RFX1: variants seen among roughly 807,000 people sequenced by gnomAD.
The protein encoded by RFX1 is regulatory factor X1, also known as MHC class II regulatory factor RFX1.
In RFX1, 42 loss-of-function variants were observed where a neutral mutation model predicts 119.6. The observed-to-expected ratio is 0.35, with a 90% CI of 0.27 to 0.45. The LOEUF (loss-of-function observed/expected upper bound fraction) is 0.45. Among genes scored for constraint, RFX1 ranks in the 20% least tolerant of loss-of-function variants. The pLI is 1.00. For synonymous variants in RFX1, 628 were observed against 618.5 expected (o/e 1.02, Z -0.23); for missense variants, 1,118 against 1,368.1 (o/e 0.82, Z 2.88).
At chr19:13,995,357 T>C (rs1428414308) in intron 1 of RFX1, among the ~76,000 whole-genome samples, 1 of 151,550 alleles carries the variant, frequency 6.6e-6, no homozygotes, top group African/African-American at 2.4e-5. Flanking sequence ...AGTGGGAAGG[T>C]GTTTTGAGTC....
intron 18 of RFX1, 46 bp from the exon 19 acceptor site, chr19:13,963,321 G>A (rs1293067374): frequency 6.4e-7 from 1 of 1,565,826 alleles, no homozygotes; most frequent in African/African-American, 1.4e-5. Flanking sequence ...CGTCCGGCCC[G>A]ACCCCCTCTC....
At position 13,990,047 on chromosome 19, in the gene RFX1, GA is replaced by G. The variant is rs1425184085; in HGVS notation, c.319+3477del. The stretch of plus-strand genomic sequence containing the variant: ...CCTGCATCAAATTCAACACCAAGTG[GA>G]TGAGTCAGGAGGGGCTGGATGTGGG... On this transcript the variant is annotated intron_variant, in intron 2 of 20. Coordinates refer to ENST00000254325, the MANE Select transcript of RFX1 (RefSeq NM_002918.5). The surrounding 1 kb of genome is among the most constrained non-coding windows in gnomAD (Gnocchi z 4.1). Among the ~76,000 whole-genome samples the G allele has an allele frequency of 6.6e-6, 1 of 152,134 alleles. No homozygotes were observed. Among genetic ancestry groups the G allele is most frequent in the African/African-American group, 2.4e-5 (1 of 41,434 alleles).
rs57542235 is a variant in RFX1 at position 13,995,851 on chromosome 19, CAAAAAAAAAAA to C, written c.-52-1967_-52-1957del. The stretch of plus-strand genomic sequence containing the variant: ...GGGCAACAAAGTGACACTCTGTCTC[CAAAAAAAAAAA>C]AAAAAAAAAAAAAAAATTAAACGGG... On this transcript the variant is annotated intron_variant, in intron 1 of 20. Coordinates refer to ENST00000254325, the MANE Select transcript of RFX1 (RefSeq NM_002918.5). Among the ~76,000 whole-genome samples the C allele has an allele frequency of 6.7e-3, 238 of 35,638 alleles. 1 individual carries two copies. Among genetic ancestry groups the C allele is most frequent in the African/African-American group, 0.016 (229 of 14,156 alleles). 23.4% of individuals were successfully genotyped at this position (35,638 alleles called of 152,430 possible).
intron 1 of RFX1, among the ~76,000 whole-genome samples, chr19:14,001,748 C>T (rs2145644180): frequency 6.6e-6 from 1 of 152,382 alleles, no homozygotes; most frequent in Non-Finnish European, 1.5e-5. Flanking sequence ...CGCCTGTAAT[C>T]CCAATATTTT....
At chr19:13,997,198 G>A (rs779122755) in intron 1 of RFX1, among the ~76,000 whole-genome samples, 3 of 152,148 alleles carry the variant, frequency 2.0e-5, no homozygotes, top group South Asian at 2.1e-4. Context: ...CATCCTTCAC[G>A]CCTCCCTGTG....
Position 13,962,817 on chromosome 19 carries a change from C to T in RFX1, c.2818G>A (p.Asp940Asn), listed in dbSNP as rs984452483. The change falls in exon 21 of 21, where the codon GAC (aspartate) becomes AAC (asparagine). Residue 940 changes from aspartate (D) to asparagine (N), a missense_variant. Coordinates refer to ENST00000254325, the MANE Select transcript of RFX1 (RefSeq NM_002918.5). ...TCGCCGCCAGCCGCCAGTGAGATGT[C>T]CTGCGGCAGCTCGTCCTCGCTCTCC... ...EEESEDELPQ[D>N]ISLAAGGESP... The T allele has an allele frequency of 6.5e-6, 10 of 1,529,758 alleles. No individual in the cohort carries two copies. The highest frequency in any genetic ancestry group is 7.9e-6 in the Non-Finnish European group (9 of 1,142,394). The allele number at this position is 1,529,758 out of a possible 1,614,324, so 94.8% of individuals were successfully genotyped here.
Position 13,966,235 on chromosome 19 carries a change from TTA to T in RFX1, c.1961+184_1961+185del, listed in dbSNP as rs1973892668. Among the ~76,000 whole-genome samples the T allele has an allele frequency of 6.6e-6, 1 of 152,136 alleles. No individual in the cohort carries two copies. Among genetic ancestry groups the T allele is most frequent in the African/African-American group, 2.4e-5 (1 of 41,414 alleles). On this transcript the variant is annotated intron_variant, in intron 14 of 20. Coordinates refer to ENST00000254325, the MANE Select transcript of RFX1 (RefSeq NM_002918.5). The surrounding 1 kb of genome is among the most constrained non-coding windows in gnomAD (Gnocchi z 6.3). Reference sequence around the variant, plus strand: ...ATGGTGCCCTGCCCCATGCCTGGGCTTAGTCAGGCACTCCACCCCCGACTGTT... The same window carrying T: ...ATGGTGCCCTGCCCCATGCCTGGGCTGTCAGGCACTCCACCCCCGACTGTT...
chr19:13,980,770 C>A lies in RFX1; in HGVS notation c.622-81G>T. 7.8e-6 allele frequency: 2 copies of A among 255,010 alleles called. No individual in the cohort carries two copies. Among genetic ancestry groups the A allele is most frequent in the South Asian group, 1.7e-4 (2 of 11,854 alleles). The allele number at this position is 255,010 out of a possible 1,614,324, so 15.8% of individuals were successfully genotyped here. On this transcript the variant is annotated intron_variant, in intron 5 of 20. Coordinates refer to ENST00000254325, the MANE Select transcript of RFX1 (RefSeq NM_002918.5). The surrounding 1 kb of genome is among the most constrained non-coding windows in gnomAD (Gnocchi z 5.1). ...GGTGGGCTCACACACACACCCTTCT[C>A]AGGAGAGCTGTCTGGGGAGGGCGGC...
rs1382209168 is a variant in RFX1 at position 13,986,707 on chromosome 19, C to T, written c.320-3112G>A. 1.3e-5 allele frequency among the ~76,000 whole-genome samples: 2 copies of T among 152,184 alleles called. No individual in the cohort carries two copies. ...CGATTTCCTGTCTCTGAATCTGACA[C>T]ATTAACATCTCTGAGCAGTGGAATG... is the stretch of plus-strand genomic sequence containing the variant. On this transcript the variant is annotated intron_variant, in intron 2 of 20. Transcript: ENST00000254325. This position sits in a 1 kb window ranked among gnomAD's most constrained non-coding sequence, Gnocchi z 4.2.
Position 13,980,063 on chromosome 19 carries a change from G to A in RFX1, c.738+510C>T, listed in dbSNP as rs567476516. Among the ~76,000 whole-genome samples the A allele has an allele frequency of 5.3e-5, 8 of 152,276 alleles. No individual in the cohort carries two copies. The East Asian group carries it at 1.5e-3, about 29-fold the overall frequency. On this transcript the variant is annotated intron_variant, in intron 6 of 20. Coordinates refer to ENST00000254325, the MANE Select transcript of RFX1 (RefSeq NM_002918.5). This position sits in a 1 kb window ranked among gnomAD's most constrained non-coding sequence, Gnocchi z 5.1. ...GACAGGGTTTCTGTTTACACTTGGG[G>A]AAGGGTCTATGGATTTCATCTGTTT...
rs745691673 is a variant in RFX1, at chr19:13,965,784, G to T, written c.1962-7C>A. On this transcript the variant is annotated splice_region_variant and splice_polypyrimidine_tract_variant and intron_variant, in intron 14 of 20. Transcript: ENST00000254325. This position sits in a 1 kb window ranked among gnomAD's most constrained non-coding sequence, Gnocchi z 4.7. ...CTTCTCGGCCTCGTCATGTCTGCGG[G>T]CACCCACCCCACCCCGGGTCACTGG... is the stretch of plus-strand genomic sequence containing the variant. 5.6e-6 allele frequency: 9 copies of T among 1,613,022 alleles called. No individual in the cohort carries two copies. In the East Asian group the frequency reaches 2.0e-4, roughly 36 times the overall value.
At chr19:13,999,824 C>T (rs1975154192) in intron 1 of RFX1, among the ~76,000 whole-genome samples, 2 of 152,116 alleles carry the variant, frequency 1.3e-5, no homozygotes. Context: ...TACAGGTGCC[C>T]ACCACCATGC....
Position 13,986,976 on chromosome 19 carries a change from C to T in RFX1, c.320-3381G>A, listed in dbSNP as rs1221530997. 6.6e-6 allele frequency among the ~76,000 whole-genome samples: 1 copy of T among 152,198 alleles called. No homozygotes were observed. Among genetic ancestry groups the T allele is most frequent in the Non-Finnish European group, 1.5e-5 (1 of 68,034 alleles). On this transcript the variant is annotated intron_variant, in intron 2 of 20. Transcript: ENST00000254325. This position sits in a 1 kb window ranked among gnomAD's most constrained non-coding sequence, Gnocchi z 4.2. ...GGCTCCTGGAGGGGCCCCTGCTGCC[C>T]CCAGTGTCCTCTATCCCTTGTCTGC...
Position 13,965,403 on chromosome 19 carries a change from G to T in RFX1, c.2211+46C>A. On this transcript the variant is annotated intron_variant, in intron 16 of 20. Coordinates refer to ENST00000254325, the MANE Select transcript of RFX1 (RefSeq NM_002918.5). The surrounding 1 kb of genome is among the most constrained non-coding windows in gnomAD (Gnocchi z 4.7). ...CCCCTGGGGAGCAGAGGAGACGGAG[G>T]CCTAAGCCCCAGAGATAGGAGAAAG... 6.5e-7 allele frequency: 1 copy of T among 1,540,180 alleles called. No homozygotes were observed. Among genetic ancestry groups the T allele is most frequent in the Non-Finnish European group, 9.0e-7 (1 of 1,115,858 alleles).
chr19:13,968,977 CCT>C lies in RFX1; in HGVS notation c.1497-85_1497-84del, dbSNP rs2145548909. On this transcript the variant is annotated intron_variant, in intron 10 of 20. Coordinates refer to ENST00000254325, the MANE Select transcript of RFX1 (RefSeq NM_002918.5). The surrounding 1 kb of genome is among the most constrained non-coding windows in gnomAD (Gnocchi z 5.5). ...GGAGCACCTCACAGCACACCCGTCT[CCT>C]CTCTGTTAGGAGAATGGATAGAGAG... 2 of 1,452,070 alleles carry C rather than the reference CCT, an allele frequency of 1.4e-6. No individual in the cohort carries two copies. Among genetic ancestry groups the C allele is most frequent in the African/African-American group, 2.8e-5 (2 of 71,492 alleles). The allele number at this position is 1,452,070 out of a possible 1,614,324, so 89.9% of individuals were successfully genotyped here.
rs538816758 is a variant in RFX1, at chr19:13,968,937, C to G, written c.1497-43G>C. 7 of 1,535,862 alleles carry G rather than the reference C, an allele frequency of 4.6e-6. No individual in the cohort carries two copies. In the African/African-American group the frequency reaches 9.6e-5, roughly 21 times the overall value. On this transcript the variant is annotated intron_variant, in intron 10 of 20. Coordinates refer to ENST00000254325, the MANE Select transcript of RFX1 (RefSeq NM_002918.5). This position sits in a 1 kb window ranked among gnomAD's most constrained non-coding sequence, Gnocchi z 5.5. Reference sequence around the variant, plus strand: ...GGGAAGGGCTGGGCTGGGGGTCTGCCGGCTGGCCGGCCATGGAGCACCTCA... The same window carrying G: ...GGGAAGGGCTGGGCTGGGGGTCTGCGGGCTGGCCGGCCATGGAGCACCTCA...
chr19:13,962,540 G>A lies in RFX1; in HGVS notation c.*155C>T. The A allele has an allele frequency of 4.9e-6, 3 of 617,142 alleles. No homozygotes were observed. The highest frequency in any genetic ancestry group is 5.4e-6 in the Non-Finnish European group (2 of 371,596). 38.2% of individuals were successfully genotyped at this position (617,142 alleles called of 1,614,324 possible). A position where few individuals can be genotyped will look rare whatever the true frequency, so the allele number is the denominator to read the frequency against. The stretch of plus-strand genomic sequence containing the variant: ...TCCGCCCAGCCCACTGATTGTGCCG[G>A]CCCCATAAGGGAGGAGGGCCCCGGT... On this transcript the variant is annotated 3_prime_UTR_variant, in exon 21 of 21. Transcript: ENST00000254325.
rs1568458561 is a variant in RFX1 at position 13,966,256 on chromosome 19, G to A, written c.1961+165C>T. On this transcript the variant is annotated intron_variant, in intron 14 of 20. Coordinates refer to ENST00000254325, the MANE Select transcript of RFX1 (RefSeq NM_002918.5). This position sits in a 1 kb window ranked among gnomAD's most constrained non-coding sequence, Gnocchi z 6.3. ...GGGCTTAGTCAGGCACTCCACCCCC[G>A]ACTGTTGAGTGTCGGGTGGCTATAC... 6.6e-6 allele frequency among the ~76,000 whole-genome samples: 1 copy of A among 152,134 alleles called. No homozygotes were observed. The highest frequency in any genetic ancestry group is 1.5e-5 in the Non-Finnish European group (1 of 68,006).
Position 13,980,262 on chromosome 19 carries a change from C to T in RFX1, c.738+311G>A, listed in dbSNP as rs1240506955. ...CCCAGAAGGAGCCAGGATGTGGCCT[C>T]GGGGCTTCCTTCAGGCAAATGGGCC... On this transcript the variant is annotated intron_variant, in intron 6 of 20. Transcript: ENST00000254325. This position sits in a 1 kb window ranked among gnomAD's most constrained non-coding sequence, Gnocchi z 5.1. 6.6e-6 allele frequency among the ~76,000 whole-genome samples: 1 copy of T among 152,120 alleles called. No homozygotes were observed. The highest frequency in any genetic ancestry group is 1.5e-5 in the Non-Finnish European group (1 of 67,992).
Sources: allele counts gnomAD v4.1 joint callset (sites outside exome capture counted in the v4.1 genomes callset), GRCh38; gene constraint gnomAD v4.1.1; non-coding constraint Gnocchi (gnomAD v3.1); transcripts MANE v1.5; gene names NCBI Gene and HGNC (gene_info 2026-07-23, HGNC 2026-07-21).